RPP14: variants seen among roughly 807,000 people sequenced by gnomAD.
RPP14 encodes the protein ribonuclease P/MRP subunit p14.
Under a neutral mutation model 17.8 loss-of-function variants are expected in RPP14, and 19 were observed. That is an observed-to-expected ratio of 1.07 (90% confidence interval 0.74 to 1.57). The LOEUF (loss-of-function observed/expected upper bound fraction) is 1.57, where lower values mean the gene tolerates loss of function less well. RPP14 is among the 40% of genes most tolerant of loss of function. RPP14 has a pLI of 0.00. For synonymous variants in RPP14, 60 were observed against 56.4 expected (o/e 1.06, Z -0.29); for missense variants, 125 against 140.8 (o/e 0.89, Z 0.57).
At position 58,317,556 on chromosome 3, in the gene RPP14, G is replaced by C; in HGVS notation, c.*60G>C. ...CTCTCATATTTATTTTTTGGTGCCT[G>C]CATGTTTGAAGACTGAAGCAGGCTA... On this transcript the variant is annotated 3_prime_UTR_variant, in exon 6 of 6. Transcript: ENST00000295959. 8.5e-7 allele frequency: 1 copy of C among 1,171,890 alleles called. No homozygotes were observed. Among genetic ancestry groups the C allele is most frequent in the South Asian group, 1.3e-5 (1 of 79,982 alleles). The allele number at this position is 1,171,890 out of a possible 1,614,324, so 72.6% of individuals were successfully genotyped here.
At position 58,317,604 on chromosome 3, in the gene RPP14, G is replaced by A. The variant is rs1235538377; in HGVS notation, c.*108G>A. ...CTAAAAGCTCTTGATGAAATTTGAG[G>A]GTGCTGAAGATGTTCCCACTAATTT... On this transcript the variant is annotated 3_prime_UTR_variant, in exon 6 of 6. Transcript: ENST00000295959. The A allele has an allele frequency of 1.2e-6, 1 of 812,058 alleles. No homozygotes were observed. The highest frequency in any genetic ancestry group is 2.1e-6 in the Non-Finnish European group (1 of 479,738). The allele number at this position is 812,058 out of a possible 1,614,324, so 50.3% of individuals were successfully genotyped here.
At chr3:58,313,290 A>T (rs2097484480) in intron 3 of RPP14, among the ~76,000 whole-genome samples, 1 of 152,100 alleles carries the variant, frequency 6.6e-6, no homozygotes, top group South Asian at 2.1e-4. Context: ...AAAAAGATGA[A>T]CTGAACTAAA....
intron 1 of RPP14, among the ~76,000 whole-genome samples, chr3:58,308,658 G>A (rs1031794399): frequency 6.6e-6 from 1 of 152,154 alleles, no homozygotes; most frequent in African/African-American, 2.4e-5. Flanking sequence ...GGGAGTGGTT[G>A]GAACTGGGTC....
At position 58,310,909 on chromosome 3, in the gene RPP14, A is replaced by G. The variant is rs1575544039; in HGVS notation, c.162+318A>G. ...AACGCCACTGCACTCCAGCCTGGCA[A>G]CAGAGCGAGACTCTGTCACAAAAAA... On this transcript the variant is annotated intron_variant, in intron 3 of 5. Coordinates refer to ENST00000295959, the MANE Select transcript of RPP14 (RefSeq NM_007042.6). Among the ~76,000 whole-genome samples, 5 of 150,056 alleles carry G rather than the reference A, an allele frequency of 3.3e-5. 1 individual carries two copies. The South Asian group carries it at 8.6e-4, about 26-fold the overall frequency.
In RPP14 at chr3:58,314,765, A is replaced by G. The variant is rs372956103; in HGVS notation, c.163-1750A>G. 1.6e-3 allele frequency among the ~76,000 whole-genome samples: 219 copies of G among 140,898 alleles called. 2 individuals carry two copies. Among genetic ancestry groups the G allele is most frequent in the African/African-American group, 5.1e-3 (193 of 37,914 alleles). The allele number at this position is 140,898 out of a possible 152,430, so 92.4% of individuals were successfully genotyped here. A position where few individuals can be genotyped will look rare whatever the true frequency, so the allele number is the denominator to read the frequency against. ...AGTGGCACAATCTTGGCTCACTGCAACCTCCGCCTCCCAGGTTCAGGCGAT... is the reference window on the plus strand; with the variant it reads ...AGTGGCACAATCTTGGCTCACTGCAGCCTCCGCCTCCCAGGTTCAGGCGAT... On this transcript the variant is annotated intron_variant, in intron 3 of 5. Transcript: ENST00000295959.
intron 4 of RPP14, 63 bp from the exon 5 acceptor site, chr3:58,316,852 T>C: frequency 2.2e-6 from 3 of 1,338,566 alleles, no homozygotes; most frequent in Non-Finnish European, 3.2e-6. Flanking sequence ...TTAGAAACCT[T>C]AGTTGAAGTT....
rs2097493048 is a variant in RPP14 at position 58,320,175 on chromosome 3, T to C, written c.*2679T>C. The C allele has an allele frequency of 6.6e-6, 1 of 152,166 alleles. No homozygotes were observed. Among genetic ancestry groups the C allele is most frequent in the Admixed American group, 6.6e-5 (1 of 15,262 alleles). 9.4% of individuals were successfully genotyped at this position (152,166 alleles called of 1,614,324 possible). On this transcript the variant is annotated 3_prime_UTR_variant, in exon 6 of 6. Transcript: ENST00000295959. ...ATTTTATTTTATGGCTGAATAATAT[T>C]CCATTGTATTTACCCATACATCAGT...
Position 58,316,510 on chromosome 3 carries a change from T to C in RPP14, c.163-5T>C, listed in dbSNP as rs750809824. 3 of 1,612,252 alleles carry C rather than the reference T, an allele frequency of 1.9e-6. No individual in the cohort carries two copies. Among genetic ancestry groups the C allele is most frequent in the East Asian group, 2.2e-5 (1 of 44,866 alleles). ...AGCCTGCTAATAGCATTATTCCATA[T>C]GCAGGTTGATGCCGCCTTACCTTTG... On this transcript the variant is annotated splice_region_variant and splice_polypyrimidine_tract_variant and intron_variant, in intron 3 of 5. Transcript: ENST00000295959.
intron 1 of RPP14, among the ~76,000 whole-genome samples, chr3:58,309,467 T>C (rs1435470644): frequency 6.6e-6 from 1 of 152,240 alleles, no homozygotes; most frequent in Non-Finnish European, 1.5e-5. Context: ...TTAGCCAAAA[T>C]TATGTTGTTA....
rs115265834 is a variant in RPP14, at chr3:58,308,560, G to T, written c.-21-1749G>T. On this transcript the variant is annotated intron_variant, in intron 1 of 5. Coordinates refer to ENST00000295959, the MANE Select transcript of RPP14 (RefSeq NM_007042.6). ...TTGAGATTACAGGCATGAGCACCAC[G>T]CCAGGCCCCAAAGTATTAATGTTTG... Among the ~76,000 whole-genome samples the T allele has an allele frequency of 6.7e-3, 1,014 of 152,094 alleles. 9 individuals are homozygous for T. Among genetic ancestry groups the T allele is most frequent in the African/African-American group, 0.023 (972 of 41,500 alleles).
intron 3 of RPP14, among the ~76,000 whole-genome samples, chr3:58,312,066 T>C (rs1240743585): frequency 6.6e-6 from 1 of 151,864 alleles, no homozygotes; most frequent in Admixed American, 6.6e-5. Context: ...GGTCTCACTA[T>C]GTTGCCCAGG....
At chr3:58,309,839 C>T (rs1165331354) in intron 1 of RPP14, among the ~76,000 whole-genome samples, 1 of 152,048 alleles carries the variant, frequency 6.6e-6, no homozygotes, top group African/African-American at 2.4e-5. Flanking sequence ...TTGCAGTGAG[C>T]CAAGATTGTG....
At chr3:58,317,355 C>A in intron 5 of RPP14, 85 bp from the exon 6 acceptor site, 1 of 871,346 alleles carries the variant, frequency 1.1e-6, no homozygotes, top group South Asian at 1.6e-5. Flanking sequence ...CTTTGTTTAT[C>A]CTGTAAAACT....
intron 1 of RPP14, among the ~76,000 whole-genome samples, chr3:58,307,225 G>A (rs986613000): frequency 4.6e-5 from 7 of 152,326 alleles, no homozygotes; most frequent in Middle Eastern, 3.4e-3. Context: ...GTGAGGCAGA[G>A]CCTTGCAGGC....
chr3:58,318,142 A>G lies in RPP14; in HGVS notation c.*646A>G, dbSNP rs2097490344. The G allele has an allele frequency of 1.6e-6, 1 of 621,078 alleles. No individual in the cohort carries two copies. 38.5% of individuals were successfully genotyped at this position (621,078 alleles called of 1,614,324 possible). A position where few individuals can be genotyped will look rare whatever the true frequency, so the allele number is the denominator to read the frequency against. On this transcript the variant is annotated 3_prime_UTR_variant, in exon 6 of 6. Coordinates refer to ENST00000295959, the MANE Select transcript of RPP14 (RefSeq NM_007042.6). ...CTGAAATAGATGTTTTAAAGATGCA[A>G]CCTCAAACACCAATGCTGTTGTTAA...
rs1553724711 is a variant in RPP14, at chr3:58,312,980, A to AG, written c.162+2392dup. Among the ~76,000 whole-genome samples, 202 of 135,784 alleles carry AG rather than the reference A, an allele frequency of 1.5e-3. 2 individuals carry two copies. The highest frequency in any genetic ancestry group is 5.2e-3 in the African/African-American group (194 of 37,364). The allele number at this position is 135,784 out of a possible 152,430, so 89.1% of individuals were successfully genotyped here. On this transcript the variant is annotated intron_variant, in intron 3 of 5. Coordinates refer to ENST00000295959, the MANE Select transcript of RPP14 (RefSeq NM_007042.6). Reference sequence around the variant, plus strand: ...TGTCTCAAAAAAAAAAAAAAAAAAAAGGGCTGGGCACGGTAGCTCACGCCT... The same window carrying AG: ...TGTCTCAAAAAAAAAAAAAAAAAAAAGGGGCTGGGCACGGTAGCTCACGCCT...
In RPP14 at chr3:58,318,366, T is replaced by TC. The variant is rs2097490585; in HGVS notation, c.*871dup. On this transcript the variant is annotated 3_prime_UTR_variant, in exon 6 of 6. Transcript: ENST00000295959. ...TTTTGTTTGTTTTTTGTTTTTTAAT[T>TC]CAAGAAGTAGGCTGGGCCCGGTGGC... is the stretch of plus-strand genomic sequence containing the variant. 2 of 356,582 alleles carry TC rather than the reference T, an allele frequency of 5.6e-6. No homozygotes were observed. Among genetic ancestry groups the TC allele is most frequent in the Non-Finnish European group, 1.0e-5 (2 of 198,980 alleles). The allele number at this position is 356,582 out of a possible 1,614,324, so 22.1% of individuals were successfully genotyped here.
chr3:58,315,078 C>T (rs1458405710), intron 3 of RPP14, among the ~76,000 whole-genome samples: 1 of 152,084 alleles, frequency 6.6e-6, no homozygotes, highest in African/African-American at 2.4e-5. Context: ...AACTTAAGTT[C>T]ACACAAAAGC....
At chr3:58,315,733 A>G (rs9985315) in intron 3 of RPP14, 11,986 of 152,288 alleles carry the variant, frequency 0.079, 601 homozygotes, top group South Asian at 0.1. Flanking sequence ...CTGGAGTGCA[A>G]TGGCACGATC....
Sources: gnomAD v4.1 joint callset for allele counts (sites outside exome capture counted in the v4.1 genomes callset) on GRCh38, gnomAD v4.1.1 for gene constraint, MANE v1.5 for transcripts, NCBI Gene and HGNC (gene_info 2026-07-23, HGNC 2026-07-21) for gene names.